The following C13orf42 variants were observed in gnomAD, a reference collection of about 807,000 sequenced individuals.
C13orf42 encodes chromosome 13 open reading frame 42.
At chr13:51,134,575 T>C (rs1348035038) in intron 1 of C13orf42, among the ~76,000 whole-genome samples, 25 of 152,350 alleles carry the variant, frequency 1.6e-4, no homozygotes, top group Non-Finnish European at 5.9e-5. Context: ...CCAATTCTTG[T>C]TCTTTTATTA....
intron 1 of C13orf42, among the ~76,000 whole-genome samples, chr13:51,134,423 C>T (rs938503769): frequency 4.6e-5 from 7 of 152,290 alleles, no homozygotes; most frequent in Admixed American, 3.3e-4. Flanking sequence ...TACTCAACTG[C>T]TGTGGACAGA....
intron 1 of C13orf42, among the ~76,000 whole-genome samples, chr13:51,102,972 G>A (rs1025872159): frequency 3.9e-5 from 6 of 152,068 alleles, no homozygotes; most frequent in South Asian, 2.1e-4. Context: ...GGGGTAAACC[G>A]CCCCCATAAT....
chr13:51,129,505 G>A (rs189299972), intron 1 of C13orf42, among the ~76,000 whole-genome samples: 83 of 152,222 alleles, frequency 5.5e-4, no homozygotes, highest in Middle Eastern at 3.4e-3. Context: ...ACTGACAAGG[G>A]ATCACCTGAA....
At chr13:51,169,664 C>T (rs183556484) in intron 1 of C13orf42, among the ~76,000 whole-genome samples, 1 of 152,352 alleles carries the variant, frequency 6.6e-6, no homozygotes, top group Non-Finnish European at 1.5e-5. Flanking sequence ...ATCCTGGCTG[C>T]CCCAGCTCCA....
At chr13:51,126,881 A>C (rs12583146) in intron 1 of C13orf42, among the ~76,000 whole-genome samples, 18,834 of 152,252 alleles carry the variant, frequency 0.12, 1,286 homozygotes, top group African/African-American at 0.16. Flanking sequence ...AGATGAGAGA[A>C]GGGCCTGGTG....
chr13:51,142,194 C>A (rs1953700856), intron 1 of C13orf42, among the ~76,000 whole-genome samples: 1 of 152,276 alleles, frequency 6.6e-6, no homozygotes, highest in Admixed American at 6.5e-5. Context: ...AGTCCATAGA[C>A]AATAAGTAGG....
At chr13:51,114,577 C>CT (rs933197031), upstream of C13orf42, among the ~76,000 whole-genome samples, 2 of 151,916 alleles carry the variant, frequency 1.3e-5, no homozygotes, top group Non-Finnish European at 1.5e-5. Context: ...GCAGAATCTT[C>CT]TTTTTTAAAG....
chr13:51,084,367 G>A lies in C13orf42; in HGVS notation c.804-42C>T. On this transcript the variant is annotated intron_variant, in intron 3 of 3. Coordinates refer to ENST00000563710, the MANE Select transcript of C13orf42 (RefSeq NM_001351589.3). The stretch of plus-strand genomic sequence containing the variant: ...AGGCAGGAGGTTTAAGTTCGGCTTG[G>A]CCGGCCACACAGAGGGAAGGGATGC... 10 of 398,562 alleles carry A rather than the reference G, an allele frequency of 2.5e-5. No homozygotes were observed. The Admixed American group carries it at 3.5e-4, about 14-fold the overall frequency. 24.7% of individuals were successfully genotyped at this position (398,562 alleles called of 1,614,324 possible). A position where few individuals can be genotyped will look rare whatever the true frequency, so the allele number is the denominator to read the frequency against.
intron 1 of C13orf42, among the ~76,000 whole-genome samples, chr13:51,091,636 C>T (rs1002406732): frequency 2.0e-5 from 3 of 152,056 alleles, no homozygotes; most frequent in Non-Finnish European, 2.9e-5. Flanking sequence ...TCTATGCTGC[C>T]CTTTTCCTAA....
At chr13:51,091,387 C>A (rs1289687126) in intron 1 of C13orf42, among the ~76,000 whole-genome samples, 53 of 152,198 alleles carry the variant, frequency 3.5e-4, no homozygotes, top group Non-Finnish European at 2.9e-5. Flanking sequence ...TTAGTCCCCC[C>A]ACTGCCTTGC....
At chr13:51,155,983 G>A (rs1265460039) in intron 1 of C13orf42, among the ~76,000 whole-genome samples, 1 of 152,194 alleles carries the variant, frequency 6.6e-6, no homozygotes, top group African/African-American at 2.4e-5. Context: ...ACTCCCCTGT[G>A]CCTGACATCA....
At chr13:51,153,630 CTTTTTTTTTTT>C (rs1206289963) in intron 1 of C13orf42, among the ~76,000 whole-genome samples, 2 of 81,204 alleles carry the variant, frequency 2.5e-5, no homozygotes, top group Non-Finnish European at 4.8e-5. Flanking sequence ...TGTTTTTTTT[CTTTTTTTTTTT>C]TTTTTTTTTT....
chr13:51,098,457 C>T (rs563644280), intron 1 of C13orf42, among the ~76,000 whole-genome samples: 2 of 152,060 alleles, frequency 1.3e-5, no homozygotes, highest in African/African-American at 4.8e-5. Flanking sequence ...CACCAATTGC[C>T]GCAGACAGAC....
intron 1 of C13orf42, among the ~76,000 whole-genome samples, chr13:51,131,611 G>T (rs1402758053): frequency 6.6e-6 from 1 of 152,162 alleles, no homozygotes; most frequent in East Asian, 1.9e-4. Context: ...CAAATCCATG[G>T]CTCGGCTCTA....
chr13:51,099,819 C>T (rs1055920911), intron 1 of C13orf42, among the ~76,000 whole-genome samples: 1 of 152,104 alleles, frequency 6.6e-6, no homozygotes, highest in Non-Finnish European at 1.5e-5. Context: ...AATCTTAAAG[C>T]CATTACTTAT....
chr13:51,124,127 T>G (rs944102759), intron 1 of C13orf42, among the ~76,000 whole-genome samples: 18 of 152,172 alleles, frequency 1.2e-4, no homozygotes, highest in Non-Finnish European at 2.9e-5. Flanking sequence ...TAACCCCACC[T>G]GAACCTGCCA....
chr13:51,107,599 G>T (rs934804381), intron 1 of C13orf42, among the ~76,000 whole-genome samples: 8 of 152,184 alleles, frequency 5.3e-5, no homozygotes, highest in Non-Finnish European at 7.4e-5. Context: ...GGCCTGCCAT[G>T]GTGCCCTGGT....
In C13orf42 at chr13:51,082,700, T is replaced by C. The variant is rs758437132; in HGVS notation, c.*1451A>G. ...TACTTTCCAGTCAAGCTTCTGGCTA[T>C]AGCTGGGTTAGTACAAGCAACAAAA... On this transcript the variant is annotated 3_prime_UTR_variant, in exon 4 of 4. Coordinates refer to ENST00000563710, the MANE Select transcript of C13orf42 (RefSeq NM_001351589.3). The C allele has an allele frequency of 1.3e-5, 2 of 152,232 alleles. No homozygotes were observed. The highest frequency in any genetic ancestry group is 2.9e-5 in the Non-Finnish European group (2 of 68,042). The allele number at this position is 152,232 out of a possible 1,614,324, so 9.4% of individuals were successfully genotyped here. A position where few individuals can be genotyped will look rare whatever the true frequency, so the allele number is the denominator to read the frequency against.
chr13:51,086,305 C>CA (rs1208668818), intron 2 of C13orf42, among the ~76,000 whole-genome samples: 5,157 of 58,882 alleles, frequency 0.088, 299 homozygotes, highest in African/African-American at 0.24. Flanking sequence ...GACTCCGTCT[C>CA]AAAAAAAAAA....
Sources: gnomAD v4.1 joint callset for allele counts (sites outside exome capture counted in the v4.1 genomes callset) on GRCh38, gnomAD v4.1.1 for gene constraint, MANE v1.5 for transcripts, NCBI Gene and HGNC (gene_info 2026-07-23, HGNC 2026-07-21) for gene names.